The following SETBP1 variants were observed in gnomAD, a reference collection of about 807,000 sequenced individuals.
SETBP1 encodes SET binding protein 1.
Under a neutral mutation model 101.0 loss-of-function variants are expected in SETBP1, and 9 were observed. The ratio of observed to expected loss-of-function variants is 0.09; its 90% CI spans 0.05 to 0.16. The LOEUF (loss-of-function observed/expected upper bound fraction) is 0.16. Among genes scored for constraint, SETBP1 ranks in the 10% least tolerant of loss-of-function variants. The pLI is 1.00. For synonymous variants in SETBP1, 818 were observed against 788.5 expected (o/e 1.04, Z -0.63); for missense variants, 1,858 against 2,033.8 (o/e 0.91, Z 1.66).
chr18:44,709,707 C>G (rs1222839789), intron 2 of SETBP1, among the ~76,000 whole-genome samples: 2 of 152,028 alleles, frequency 1.3e-5, no homozygotes, highest in African/African-American at 4.8e-5. Flanking sequence ...GTGCTGGGCA[C>G]TTGGGAGGCC....
rs550438876 is a variant in SETBP1 at position 44,865,168 on chromosome 18, T to C, written c.487-4062T>C. 4.6e-5 allele frequency among the ~76,000 whole-genome samples: 7 copies of C among 152,350 alleles called. No homozygotes were observed. The East Asian group carries it at 1.3e-3, about 29-fold the overall frequency. On this transcript the variant is annotated intron_variant, in intron 2 of 5. Transcript: ENST00000649279. ...CAGGGTTAGCAGACTTAACCAATCC[T>C]ATTTTTAACTAGCAATGTGATCTTG... is the stretch of plus-strand genomic sequence containing the variant.
chr18:44,737,937 A>G (rs189074631), intron 2 of SETBP1, among the ~76,000 whole-genome samples: 32 of 152,336 alleles, frequency 2.1e-4, no homozygotes, highest in Admixed American at 2.0e-3. Context: ...ATGACCTGCC[A>G]TGTCACTATT....
chr18:44,930,434 G>C (rs1568222771), intron 3 of SETBP1, among the ~76,000 whole-genome samples: 1 of 152,126 alleles, frequency 6.6e-6, no homozygotes, highest in Non-Finnish European at 1.5e-5. Flanking sequence ...TTGGTATCAG[G>C]ATGATGTTGG....
intron 3 of SETBP1, among the ~76,000 whole-genome samples, chr18:44,884,634 G>A (rs1256842100): frequency 2.0e-5 from 3 of 152,212 alleles, no homozygotes; most frequent in Non-Finnish European, 4.4e-5. Context: ...CAGCAACTGA[G>A]TAATTCACAA....
intron 3 of SETBP1, among the ~76,000 whole-genome samples, chr18:44,917,593 G>A (rs1372910496): frequency 6.6e-6 from 1 of 152,086 alleles, no homozygotes; most frequent in Non-Finnish European, 1.5e-5. Flanking sequence ...TATGTGCAAG[G>A]GGTTCAATGC....
intron 3 of SETBP1, among the ~76,000 whole-genome samples, chr18:44,932,276 T>C (rs1377454562): frequency 6.6e-6 from 1 of 152,250 alleles, no homozygotes; most frequent in Non-Finnish European, 1.5e-5. Context: ...CCCCACTCTC[T>C]TCTGGCTTGT....
At chr18:45,052,689 A>T (rs72896891) in intron 5 of SETBP1, among the ~76,000 whole-genome samples, 18,943 of 152,194 alleles carry the variant, frequency 0.12, 1,379 homozygotes, top group South Asian at 0.24. Context: ...AGAAAGTCGA[A>T]AGCAATTGGT....
In SETBP1 at chr18:45,067,102, A is replaced by G. The variant is rs1599517453; in HGVS notation, c.*3404A>G. On this transcript the variant is annotated 3_prime_UTR_variant, in exon 6 of 6. Transcript: ENST00000649279. ...AGGAAACAGCAGCCACTGACAGCCC[A>G]GAGAAGGTGACTAAGGGCTGGCAGA... 6.6e-6 allele frequency: 1 copy of G among 152,240 alleles called. No individual in the cohort carries two copies. The highest frequency in any genetic ancestry group is 2.4e-5 in the African/African-American group (1 of 41,466). 9.4% of individuals were successfully genotyped at this position (152,240 alleles called of 1,614,324 possible). A position where few individuals can be genotyped will look rare whatever the true frequency, so the allele number is the denominator to read the frequency against.
At chr18:44,692,620 A>T (rs1221096797) in intron 1 of SETBP1, among the ~76,000 whole-genome samples, 1 of 152,202 alleles carries the variant, frequency 6.6e-6, no homozygotes, top group African/African-American at 2.4e-5. Context: ...GAGCTTGCCA[A>T]ATGCTTTGTG....
Position 44,950,690 on chromosome 18 carries a change from G to C in SETBP1, c.1350G>C (p.Arg450Ser). ...GITMSSEVVN[R>S]ILSNSEGNKK... ...CCATGAGCAGTGAAGTAGTTAACAG[G>C]ATACTTTCCAACTCTGAGGGGAATA... Residue 450 changes from arginine to serine, a missense_variant, in exon 4 of 6, where the codon AGG (arginine) becomes AGC (serine). By Grantham distance (110) the Arg-to-Ser change is moderately radical (BLOSUM62 -1). Transcript: ENST00000649279. 6.2e-7 allele frequency: 1 copy of C among 1,614,138 alleles called. No homozygotes were observed. The highest frequency in any genetic ancestry group is 1.3e-5 in the African/African-American group (1 of 75,028).
At chr18:44,924,960 C>G (rs1440955845) in intron 3 of SETBP1, among the ~76,000 whole-genome samples, 2 of 149,552 alleles carry the variant, frequency 1.3e-5, no homozygotes, top group African/African-American at 5.0e-5. Context: ...TAGGCAGCCT[C>G]TCTCCATGTT....
chr18:44,746,456 C>A (rs2070249212), intron 2 of SETBP1, among the ~76,000 whole-genome samples: 1 of 152,078 alleles, frequency 6.6e-6, no homozygotes, highest in Admixed American at 6.5e-5. Flanking sequence ...ATGGAGAATA[C>A]AGGAAAAAGA....
At chr18:45,009,395 G>C (rs550763995) in intron 4 of SETBP1, among the ~76,000 whole-genome samples, 2 of 151,336 alleles carry the variant, frequency 1.3e-5, no homozygotes, top group Non-Finnish European at 2.9e-5. Context: ...TAATGACTGC[G>C]CTGGTTTTTA....
At chr18:44,973,818 C>A (rs879351541) in intron 4 of SETBP1, among the ~76,000 whole-genome samples, 2 of 152,060 alleles carry the variant, frequency 1.3e-5, no homozygotes, top group South Asian at 4.2e-4. Context: ...GGGGCAGACA[C>A]GCCACACAGA....
chr18:45,043,394 C>CACAA (rs2073549825), intron 5 of SETBP1, among the ~76,000 whole-genome samples: 1 of 151,682 alleles, frequency 6.6e-6, no homozygotes, highest in Non-Finnish European at 1.5e-5. Context: ...CACACACACA[C>CACAA]ACAAACACAT....
intron 4 of SETBP1, among the ~76,000 whole-genome samples, chr18:45,036,807 G>A (rs563387955): frequency 4.6e-5 from 7 of 152,308 alleles, no homozygotes; most frequent in Admixed American, 2.0e-4. Flanking sequence ...TTCATCCTTA[G>A]CATGAAACAT....
At chr18:45,004,284 T>C (rs1049270335) in intron 4 of SETBP1, among the ~76,000 whole-genome samples, 1 of 152,234 alleles carries the variant, frequency 6.6e-6, no homozygotes, top group Admixed American at 6.5e-5. Flanking sequence ...AAAAACGGAA[T>C]ACTCCAGGTA....
chr18:44,802,761 G>A (rs1182682473), intron 2 of SETBP1, among the ~76,000 whole-genome samples: 2 of 152,142 alleles, frequency 1.3e-5, no homozygotes, highest in Non-Finnish European at 2.9e-5. Context: ...GAATTATTCA[G>A]GTCAAGCATG....
At chr18:44,859,314 CT>C (rs1203995605) in intron 2 of SETBP1, among the ~76,000 whole-genome samples, 1 of 152,118 alleles carries the variant, frequency 6.6e-6, no homozygotes, top group Admixed American at 6.5e-5. Context: ...AATGGAAAGT[CT>C]GACTTTTACC....
Sources: gnomAD v4.1 joint callset for allele counts (sites outside exome capture counted in the v4.1 genomes callset) on GRCh38, gnomAD v4.1.1 for gene constraint, MANE v1.5 for transcripts, NCBI Gene and HGNC (gene_info 2026-07-23, HGNC 2026-07-21) for gene names.